HDAC5: variants seen among roughly 807,000 people sequenced by gnomAD.
HDAC5 encodes the protein antigen NY-CO-9.
A neutral mutation model predicts 133.3 loss-of-function variants in HDAC5; 25 were observed. That is an observed-to-expected ratio of 0.19 (90% CI 0.14 to 0.26). The LOEUF (loss-of-function observed/expected upper bound fraction) is 0.26. Among genes scored for constraint, HDAC5 ranks in the 10% least tolerant of loss-of-function variants. The probability of loss-of-function intolerance (pLI) is 1.00; values close to 1 mark genes in which losing one functional copy is unlikely to be tolerated. For synonymous variants in HDAC5, 589 were observed against 610.8 expected, an observed-to-expected ratio of 0.96 and a Z score of 0.53; for missense variants, 1,041 against 1,460.5, an observed-to-expected ratio of 0.71 and a Z score of 4.68.
intron 3 of HDAC5, among the ~76,000 whole-genome samples, chr17:44,109,444 C>G (rs753601513): frequency 5.3e-5 from 8 of 152,122 alleles, no homozygotes; most frequent in Non-Finnish European, 8.8e-5. Flanking sequence ...CCCAAGGTTA[C>G]ACCCCCATCC....
At chr17:44,098,609 G>A (rs564542795) in intron 3 of HDAC5, among the ~76,000 whole-genome samples, 88 of 151,120 alleles carry the variant, frequency 5.8e-4, no homozygotes, top group African/African-American at 2.0e-3. Context: ...GTGCGGTAGC[G>A]GGCACTTGTA....
intron 18 of HDAC5, 106 bp downstream of exon 18, chr17:44,083,439 G>A (rs1406551073): frequency 6.6e-6 from 5 of 755,726 alleles, no homozygotes; most frequent in African/African-American, 1.7e-5. Flanking sequence ...AGTTGAGCTT[G>A]CAAAGGACAG....
chr17:44,123,505 C>T lies in HDAC5; in HGVS notation c.-191G>A. 1 of 384,506 alleles carries T rather than the reference C, an allele frequency of 2.6e-6. No individual in the cohort carries two copies. The highest frequency in any genetic ancestry group is 4.6e-6 in the Non-Finnish European group (1 of 217,746). The allele number at this position is 384,506 out of a possible 1,614,324, so 23.8% of individuals were successfully genotyped here. On this transcript the variant is annotated splice_region_variant and 5_prime_UTR_variant, in exon 1 of 27. Transcript: ENST00000682912. ...TCTGGGCCGGGGCGGCGCGCTCACC[C>T]GCTGCGGCTCGAGCTCCGGCTTCGC... is the stretch of plus-strand genomic sequence containing the variant.
chr17:44,116,237 G>A (rs774083407), intron 2 of HDAC5, among the ~76,000 whole-genome samples: 6 of 152,228 alleles, frequency 3.9e-5, no homozygotes, highest in African/African-American at 7.2e-5. Context: ...CGACATGGCT[G>A]AGCTTGCTGG....
intron 1 of HDAC5, among the ~76,000 whole-genome samples, chr17:44,121,064 A>T (rs1483050877): frequency 5.5e-5 from 8 of 146,448 alleles, no homozygotes; most frequent in Admixed American, 7.0e-5. Flanking sequence ...AGCTCCAGGC[A>T]TCTGCACAAG....
intron 20 of HDAC5, among the ~76,000 whole-genome samples, chr17:44,081,221 T>C (rs971868440): frequency 6.6e-6 from 1 of 152,146 alleles, no homozygotes; most frequent in South Asian, 2.1e-4. Flanking sequence ...TTAAGGCTAG[T>C]AGGGAATTTA....
intron 14 of HDAC5, among the ~76,000 whole-genome samples, chr17:44,085,626 C>T (rs549188886): frequency 1.3e-5 from 2 of 152,156 alleles, no homozygotes; most frequent in Non-Finnish European, 2.9e-5. Flanking sequence ...CTCAGCCTCC[C>T]GAGTAGCTGG....
At chr17:44,101,540 T>C (rs1405432684) in intron 3 of HDAC5, among the ~76,000 whole-genome samples, 2 of 151,838 alleles carry the variant, frequency 1.3e-5, no homozygotes, top group East Asian at 1.9e-4. Context: ...GGAATGTCTA[T>C]ACATAACATA....
intron 3 of HDAC5, among the ~76,000 whole-genome samples, chr17:44,102,454 G>A (rs1241112526): frequency 6.6e-6 from 1 of 152,096 alleles, no homozygotes; most frequent in Non-Finnish European, 1.5e-5. Context: ...TCCACCTCCC[G>A]GCTTCAAGTG....
chr17:44,080,326 G>A, intron 22 of HDAC5, 75 bp downstream of exon 22: 4 of 1,549,704 alleles, frequency 2.6e-6, no homozygotes, highest in South Asian at 2.2e-5. Flanking sequence ...ACACTGAACT[G>A]AGTGCCTTCT....
chr17:44,095,508 G>A (rs2051211946), intron 3 of HDAC5, among the ~76,000 whole-genome samples: 1 of 151,964 alleles, frequency 6.6e-6, no homozygotes, highest in Admixed American at 6.6e-5. Context: ...GGAGGGAGAG[G>A]CTGTGGGAAT....
At chr17:44,084,877 G>C (rs923542867) in intron 15 of HDAC5, 145 bp downstream of exon 15, 5 of 1,272,120 alleles carry the variant, frequency 3.9e-6, no homozygotes, top group Non-Finnish European at 4.4e-6. Context: ...CAGGCTGCAA[G>C]GGATGGAACG....
At chr17:44,109,320 C>T (rs2052190707) in intron 3 of HDAC5, among the ~76,000 whole-genome samples, 2 of 152,266 alleles carry the variant, frequency 1.3e-5, no homozygotes, top group South Asian at 4.1e-4. Context: ...GACTCCAGAC[C>T]AGGATAAGAA....
chr17:44,110,598 T>C, intron 3 of HDAC5, 131 bp downstream of exon 3: 1 of 716,836 alleles, frequency 1.4e-6, no homozygotes, highest in East Asian at 2.8e-5. Flanking sequence ...CCCAGCCCTG[T>C]GTATTCTCAA....
chr17:44,079,582 G>A (rs2050283441), intron 23 of HDAC5, among the ~76,000 whole-genome samples: 2 of 141,380 alleles, frequency 1.4e-5, no homozygotes. Flanking sequence ...GGAGGTTGCA[G>A]TGAGCCGAGA....
At chr17:44,121,364 G>C (rs924250311) in intron 1 of HDAC5, among the ~76,000 whole-genome samples, 1 of 152,002 alleles carries the variant, frequency 6.6e-6, no homozygotes, top group Admixed American at 6.6e-5. Flanking sequence ...GGCTACATCA[G>C]GTTTTCATTC....
At chr17:44,080,914 G>C in intron 20 of HDAC5, 32 bp from the exon 21 acceptor site, 1 of 1,613,944 alleles carries the variant, frequency 6.2e-7, no homozygotes, top group Non-Finnish European at 8.5e-7. Flanking sequence ...TCGGGAAAAT[G>C]GCCCGCGCTC....
At chr17:44,085,253 A>C (rs2143122049) in intron 14 of HDAC5, 98 bp from the exon 15 acceptor site, 3 of 1,292,124 alleles carry the variant, frequency 2.3e-6, no homozygotes, top group Admixed American at 2.5e-5. Flanking sequence ...GCTGTCTCCA[A>C]CCCCCAGGTC....
chr17:44,079,303 G>C (rs760159597), intron 23 of HDAC5, 26 bp from the exon 24 acceptor site: 1 of 1,608,052 alleles, frequency 6.2e-7, no homozygotes. Context: ...AAGGGAGGAA[G>C]AAGAAATGGC....
Sources: allele counts gnomAD v4.1 joint callset (sites outside exome capture counted in the v4.1 genomes callset), GRCh38; gene constraint gnomAD v4.1.1; transcripts MANE v1.5; gene names NCBI Gene and HGNC (gene_info 2026-07-23, HGNC 2026-07-21).